Variants in WDHD1 observed in about 807,000 individuals in gnomAD.
WDHD1 encodes WD repeat and HMG-box DNA-binding protein 1.
In WDHD1, 111 loss-of-function variants were observed where a neutral mutation model predicts 135.4. The observed-to-expected ratio is 0.82, with a 90% CI of 0.70 to 0.96. The LOEUF (loss-of-function observed/expected upper bound fraction) is 0.96, where lower values mean the gene tolerates loss of function less well. Among genes scored for constraint, WDHD1 ranks in the 40% least tolerant of loss-of-function variants. The probability of loss-of-function intolerance (pLI) is 0.00; values close to 1 mark genes in which losing one functional copy is unlikely to be tolerated. For missense variants in WDHD1, 1,351 were observed against 1,336.3 expected (o/e 1.01, Z -0.17); for synonymous variants, 434 against 439.0 (o/e 0.99, Z 0.14).
In WDHD1 at chr14:54,941,619, A is replaced by G; in HGVS notation, c.3261T>C (p.Val1087=). The G allele has an allele frequency of 6.2e-7, 1 of 1,613,954 alleles. No homozygotes were observed. Among genetic ancestry groups the G allele is most frequent in the South Asian group, 1.1e-5 (1 of 91,056 alleles). ...GGTTTTCTGTTTCATCACTTTCATC[A>G]ACCACACGTTTTCGCTTCTTTGCTT... is the stretch of plus-strand genomic sequence containing the variant. ...GTEAKKRKRV[V]DESDETENQE... Residue 1087 remains valine (V), a synonymous_variant, in exon 26 of 26, where the codon GTT becomes GTC. Transcript: ENST00000360586.
rs1186260095 is a variant in WDHD1 at position 55,026,723 on chromosome 14, T to C, written c.65A>G (p.Asp22Gly). 1.2e-6 allele frequency: 2 copies of C among 1,614,232 alleles called. No homozygotes were observed. The highest frequency in any genetic ancestry group is 1.1e-5 in the South Asian group (1 of 91,086). Residue 22 changes from aspartate to glycine, a missense_variant, in exon 2 of 26, where the codon GAT becomes GGT. This residue lies in a region of WDHD1 where 21 missense variants were observed against 40.2 expected (regional missense o/e 0.52). Coordinates refer to ENST00000360586, the MANE Select transcript of WDHD1 (RefSeq NM_007086.4). ...HTEGHTEVCF[D>G]DSGSFIVTCG... ...CAAAGAACCTTACCTCCCAGAATCA[T>C]CAAAACAGACCTCCGTGTGTCCCTC...
chr14:54,945,739 C>T (rs1235358696), intron 24 of WDHD1, among the ~76,000 whole-genome samples: 1 of 152,112 alleles, frequency 6.6e-6, no homozygotes, highest in African/African-American at 2.4e-5. Flanking sequence ...CAGGGTTTCA[C>T]CATATTGGCC....
Position 54,955,524 on chromosome 14 carries a change from C to T in WDHD1, c.3050+37G>A, listed in dbSNP as rs778936251. The T allele has an allele frequency of 1.4e-5, 21 of 1,464,902 alleles. No individual in the cohort carries two copies. In the Admixed American group the frequency reaches 3.7e-4, roughly 26 times the overall value. 90.7% of individuals were successfully genotyped at this position (1,464,902 alleles called of 1,614,324 possible). On this transcript the variant is annotated intron_variant, in intron 24 of 25. Transcript: ENST00000360586. ...TATTGCTGCTACTGTATACTTTTTACTTGGTCACTGCATGCTAAATTTCTC... is the reference window on the plus strand; with the variant it reads ...TATTGCTGCTACTGTATACTTTTTATTTGGTCACTGCATGCTAAATTTCTC...
chr14:54,969,324 C>G (rs1438652806), intron 16 of WDHD1, among the ~76,000 whole-genome samples: 1 of 140,078 alleles, frequency 7.1e-6, no homozygotes, highest in African/African-American at 2.7e-5. Context: ...CCGCGCCCAG[C>G]ATTAAGACTC....
At chr14:54,952,567 C>T (rs1383494525) in intron 24 of WDHD1, among the ~76,000 whole-genome samples, 1 of 152,204 alleles carries the variant, frequency 6.6e-6, no homozygotes, top group African/African-American at 2.4e-5. Flanking sequence ...GCCATCCTGT[C>T]CAAGGCAATT....
intron 24 of WDHD1, among the ~76,000 whole-genome samples, chr14:54,950,504 C>T (rs2041026739): frequency 1.3e-5 from 2 of 152,012 alleles, no homozygotes; most frequent in South Asian, 4.1e-4. Flanking sequence ...TAAACCAAGT[C>T]CTTAGAGACC....
chr14:54,962,403 G>A, intron 21 of WDHD1, 95 bp downstream of exon 21: 2 of 875,570 alleles, frequency 2.3e-6, no homozygotes, highest in South Asian at 2.8e-5. Flanking sequence ...CACCAAAAGT[G>A]GCCTTAAGAG....
At chr14:54,967,493 A>G (rs2041363948) in intron 16 of WDHD1, 99 bp from the exon 17 acceptor site, 1 of 705,044 alleles carries the variant, frequency 1.4e-6, no homozygotes, top group Admixed American at 3.1e-5. Flanking sequence ...TAGAATAGTA[A>G]TATTATAATA....
Position 55,005,458 on chromosome 14 carries a change from T to C in WDHD1, c.600+1822A>G, listed in dbSNP as rs893754820. 1.1e-5 allele frequency: 6 copies of C among 568,108 alleles called. No individual in the cohort carries two copies. In the African/African-American group the frequency reaches 1.1e-4, roughly 11 times the overall value. 35.2% of individuals were successfully genotyped at this position (568,108 alleles called of 1,614,324 possible). A position where few individuals can be genotyped will look rare whatever the true frequency, so the allele number is the denominator to read the frequency against. ...CCTTCGGACCAGTATTCCTGGATGA[T>C]ATGACACTGACATTGAAAGAGTTTT... is the stretch of plus-strand genomic sequence containing the variant. On this transcript the variant is annotated intron_variant, in intron 7 of 25. Coordinates refer to ENST00000360586, the MANE Select transcript of WDHD1 (RefSeq NM_007086.4).
At chr14:54,967,240 A>T (rs780206255) in intron 17 of WDHD1, 40 bp downstream of exon 17, 1 of 1,459,672 alleles carries the variant, frequency 6.9e-7, no homozygotes, top group Non-Finnish European at 9.6e-7. Context: ...CAGGTGCTGT[A>T]TTATCAAATT....
At chr14:54,980,657 A>G (rs2041602699) in intron 16 of WDHD1, among the ~76,000 whole-genome samples, 1 of 152,074 alleles carries the variant, frequency 6.6e-6, no homozygotes, top group Non-Finnish European at 1.5e-5. Context: ...TACAAAAATT[A>G]GCTGGGCATG....
At chr14:54,944,874 C>T (rs1200459748) in intron 24 of WDHD1, among the ~76,000 whole-genome samples, 2 of 152,150 alleles carry the variant, frequency 1.3e-5, no homozygotes, top group East Asian at 3.8e-4. Context: ...TCCCAAACTG[C>T]TGGGATTACA....
At chr14:54,978,075 T>C (rs937826613) in intron 16 of WDHD1, among the ~76,000 whole-genome samples, 2 of 152,226 alleles carry the variant, frequency 1.3e-5, no homozygotes, top group Non-Finnish European at 2.9e-5. Flanking sequence ...AATAATTTCA[T>C]ATACCTCTAA....
At chr14:54,979,791 CTAT>C (rs2140187662) in intron 16 of WDHD1, among the ~76,000 whole-genome samples, 1 of 152,330 alleles carries the variant, frequency 6.6e-6, no homozygotes, top group African/African-American at 2.4e-5. Context: ...CGTGAGGTAA[CTAT>C]TATTGTTAGT....
intron 2 of WDHD1, among the ~76,000 whole-genome samples, chr14:55,022,446 A>G (rs2042364018): frequency 6.6e-6 from 1 of 152,060 alleles, no homozygotes; most frequent in Admixed American, 6.5e-5. Flanking sequence ...TTCCCCCCAC[A>G]GAATAGGGCA....
chr14:54,998,993 A>T lies in WDHD1; in HGVS notation c.942+1510T>A, dbSNP rs531423143. Among the ~76,000 whole-genome samples, 13 of 152,286 alleles carry T rather than the reference A, an allele frequency of 8.5e-5. No homozygotes were observed. The South Asian group carries it at 2.7e-3, about 32-fold the overall frequency. On this transcript the variant is annotated intron_variant, in intron 10 of 25. Coordinates refer to ENST00000360586, the MANE Select transcript of WDHD1 (RefSeq NM_007086.4). ...TGGCATTATTCCTATCTTTTTACACATACAGTATATTATGATCACTGTTCC... is the reference window on the plus strand; with the variant it reads ...TGGCATTATTCCTATCTTTTTACACTTACAGTATATTATGATCACTGTTCC...
chr14:54,962,585 G>A (rs371883877), intron 20 of WDHD1, 34 bp from the exon 21 acceptor site: 1 of 1,566,828 alleles, frequency 6.4e-7, no homozygotes, highest in Non-Finnish European at 8.8e-7. Context: ...TAATGTAAAT[G>A]GGGAAAATAT....
At position 54,939,212 on chromosome 14, in the gene WDHD1, A is replaced by G. The variant is rs2040806265; in HGVS notation, c.*2278T>C. 1.3e-5 allele frequency: 2 copies of G among 152,342 alleles called. No individual in the cohort carries two copies. Among genetic ancestry groups the G allele is most frequent in the Admixed American group, 1.3e-4 (2 of 15,302 alleles). 9.4% of individuals were successfully genotyped at this position (152,342 alleles called of 1,614,324 possible). Reference sequence around the variant, plus strand: ...AACAGATGGGAAACAAAGAGGGCCCATAAGACAGTCACTGATTAAGATGCT... The same window carrying G: ...AACAGATGGGAAACAAAGAGGGCCCGTAAGACAGTCACTGATTAAGATGCT... On this transcript the variant is annotated 3_prime_UTR_variant, in exon 26 of 26. Coordinates refer to ENST00000360586, the MANE Select transcript of WDHD1 (RefSeq NM_007086.4).
chr14:54,960,003 T>C (rs900888862), intron 21 of WDHD1, among the ~76,000 whole-genome samples: 4 of 152,198 alleles, frequency 2.6e-5, no homozygotes, highest in Non-Finnish European at 4.4e-5. Flanking sequence ...AAGTTTTTCT[T>C]CTATTACAAG....
Sources: allele counts gnomAD v4.1 joint callset (sites outside exome capture counted in the v4.1 genomes callset), GRCh38; gene constraint gnomAD v4.1.1; regional missense constraint gnomAD v4.1.1; transcripts MANE v1.5; gene names NCBI Gene and HGNC (gene_info 2026-07-23, HGNC 2026-07-21).